NUP160: variants seen among roughly 807,000 people sequenced by gnomAD.
NUP160 encodes the protein nuclear pore complex protein Nup160.
Under a neutral mutation model 196.9 loss-of-function variants are expected in NUP160, and 94 were observed. The observed-to-expected ratio is 0.48, with a 90% CI of 0.40 to 0.57. NUP160 has a LOEUF of 0.57. Ranked by LOEUF, NUP160 falls within the 20% of genes least tolerant of loss-of-function variation. The pLI is 0.00. For missense variants in NUP160, 1,638 were observed against 1,748.3 expected (o/e 0.94, Z 1.13); for synonymous variants, 605 against 619.7 (o/e 0.98, Z 0.35).
At chr11:47,832,335 A>T (rs1461501079) in intron 7 of NUP160, among the ~76,000 whole-genome samples, 1 of 152,192 alleles carries the variant, frequency 6.6e-6, no homozygotes, top group Admixed American at 6.5e-5. Context: ...ACCTTGGTAA[A>T]ACTAATGAAA....
chr11:47,812,238 A>G lies in NUP160; in HGVS notation c.2081-14T>C. 3 of 1,613,836 alleles carry G rather than the reference A, an allele frequency of 1.9e-6. No individual in the cohort carries two copies. Among genetic ancestry groups the G allele is most frequent in the Non-Finnish European group, 2.5e-6 (3 of 1,179,772 alleles). Reference sequence around the variant, plus strand: ...TCAAAGGCTGAGCTGTAAAAAGAAGAAAAATGGAGTTGAATGCATCATTGT... The same window carrying G: ...TCAAAGGCTGAGCTGTAAAAAGAAGGAAAATGGAGTTGAATGCATCATTGT... On this transcript the variant is annotated splice_polypyrimidine_tract_variant and intron_variant, in intron 16 of 35. Coordinates refer to ENST00000378460, the Ensembl canonical transcript of NUP160.
chr11:47,793,384 C>A (rs560632471), intron 27 of NUP160, among the ~76,000 whole-genome samples: 2 of 151,994 alleles, frequency 1.3e-5, no homozygotes, highest in African/African-American at 2.4e-5. Context: ...CCCCTGCCCC[C>A]CCTCCCCAAA....
At chr11:47,831,842 C>CAAAAAAAA (rs372159602) in intron 7 of NUP160, among the ~76,000 whole-genome samples, 109 of 66,678 alleles carry the variant, frequency 1.6e-3, no homozygotes, top group African/African-American at 5.6e-3. Context: ...GACTCTCTCT[C>CAAAAAAAA]AAAAAAAAAA....
At chr11:47,844,798 G>A (rs572402463) in intron 2 of NUP160, among the ~76,000 whole-genome samples, 28 of 152,298 alleles carry the variant, frequency 1.8e-4, no homozygotes, top group African/African-American at 6.0e-4. Flanking sequence ...TGCATTCCCA[G>A]ACAGTTAAGG....
chr11:47,837,297 C>G (rs1318388009), intron 5 of NUP160, among the ~76,000 whole-genome samples: 1 of 152,046 alleles, frequency 6.6e-6, no homozygotes, highest in African/African-American at 2.4e-5. Flanking sequence ...TTGGGTAAGT[C>G]GGGGCAGAGC....
chr11:47,827,295 T>C (rs765689086), intron 7 of NUP160: 3 of 370,492 alleles, frequency 8.1e-6, no homozygotes, highest in Non-Finnish European at 1.1e-5. Flanking sequence ...ACCTGAGAGG[T>C]GGAGGTTGCA....
rs780889779 is a variant in NUP160 at position 47,836,954 on chromosome 11, CA to C, written c.874del (p.Cys292ValfsTer28). ...AAAGATGAAGGCATCATGCTCCACA[CA>C]ATGAACAGCAAGACTGAGGGGACGA... On this transcript the variant is annotated frameshift_variant, in exon 6 of 36. Transcript: ENST00000378460. LOFTEE classifies it high-confidence loss of function. 1 of 1,613,854 alleles carries C rather than the reference CA, an allele frequency of 6.2e-7. No individual in the cohort carries two copies. Among genetic ancestry groups the C allele is most frequent in the South Asian group, 1.1e-5 (1 of 91,066 alleles).
intron 2 of NUP160, among the ~76,000 whole-genome samples, chr11:47,841,979 G>A (rs1013323948): frequency 1.3e-5 from 2 of 152,036 alleles, no homozygotes; most frequent in East Asian, 3.9e-4. Flanking sequence ...TTACAGGTGT[G>A]AGCCACCACA....
At chr11:47,847,954 C>G in exon 2 of NUP160, 1 of 1,613,494 alleles carries the variant, frequency 6.2e-7, no homozygotes, top group Non-Finnish European at 8.5e-7. Context: ...ACGGCATTTG[C>G]AGTCCCTGCA....
chr11:47,818,861 AAG>A (rs1345431010), intron 10 of NUP160, among the ~76,000 whole-genome samples: 4 of 152,222 alleles, frequency 2.6e-5, no homozygotes, highest in Non-Finnish European at 5.9e-5. Flanking sequence ...TCTTGGGATT[AAG>A]AGTGCAGTAA....
chr11:47,848,523 A>G, upstream of NUP160: 1 of 914,516 alleles, frequency 1.1e-6, no homozygotes, highest in Non-Finnish European at 1.6e-6. Context: ...CAGGGGAGGC[A>G]GACTCTATCT....
intron 7 of NUP160, among the ~76,000 whole-genome samples, chr11:47,831,922 A>G (rs1852085603): frequency 3.5e-5 from 2 of 56,930 alleles, no homozygotes; most frequent in African/African-American, 1.6e-4. Flanking sequence ...TTTTTTTTTG[A>G]GACAGAATCT....
chr11:47,833,821 A>G (rs1852120125), intron 7 of NUP160, among the ~76,000 whole-genome samples: 2 of 149,856 alleles, frequency 1.3e-5, no homozygotes, highest in African/African-American at 4.8e-5. Flanking sequence ...GGGAAACAAC[A>G]TTTTACACAC....
Position 47,792,076 on chromosome 11 carries a change from A to G in NUP160, c.3451-86T>C. The stretch of plus-strand genomic sequence containing the variant: ...ACGGTGATTCATAGCTTTTATGCTT[A>G]AATTTTCTCAATGGAAATTATTTTT... On this transcript the variant is annotated intron_variant, in intron 28 of 35. Transcript: ENST00000378460. The G allele has an allele frequency of 3.4e-6, 3 of 889,222 alleles. No homozygotes were observed. In the East Asian group the frequency reaches 7.7e-5, roughly 23 times the overall value. 55.1% of individuals were successfully genotyped at this position (889,222 alleles called of 1,614,324 possible). A position where few individuals can be genotyped will look rare whatever the true frequency, so the allele number is the denominator to read the frequency against.
intron 28 of NUP160, chr11:47,792,556 C>G (rs1288533486): frequency 4.6e-6 from 2 of 438,898 alleles, no homozygotes; most frequent in African/African-American, 4.1e-5. Context: ...AGGTCTAACT[C>G]CAAAACCACT....
At chr11:47,844,854 G>A (rs564506708) in intron 2 of NUP160, among the ~76,000 whole-genome samples, 2 of 152,226 alleles carry the variant, frequency 1.3e-5, no homozygotes, top group Non-Finnish European at 2.9e-5. Context: ...CAAAATACAG[G>A]TCATAAAGAC....
intron 34 of NUP160, among the ~76,000 whole-genome samples, chr11:47,781,118 G>A (rs1353991159): frequency 6.6e-6 from 1 of 151,914 alleles, no homozygotes; most frequent in Non-Finnish European, 1.5e-5. Flanking sequence ...AGCTGCTCGG[G>A]AGGCTGAGGC....
intron 18 of NUP160, among the ~76,000 whole-genome samples, chr11:47,808,003 G>T (rs1330587031): frequency 6.6e-6 from 1 of 152,070 alleles, no homozygotes; most frequent in Non-Finnish European, 1.5e-5. Context: ...CTTTTTCCCG[G>T]CTGGCGTGGT....
chr11:47,837,501 T>C (rs1348445393), intron 5 of NUP160, 44 bp downstream of exon 5: 1 of 1,477,392 alleles, frequency 6.8e-7, no homozygotes, highest in Non-Finnish European at 9.5e-7. Context: ...TGCAAAAAGA[T>C]TAAATTCTTG....
Sources: gnomAD v4.1 joint callset for allele counts (sites outside exome capture counted in the v4.1 genomes callset) on GRCh38, gnomAD v4.1.1 for gene constraint, MANE v1.5 for transcripts, NCBI Gene and HGNC (gene_info 2026-07-23, HGNC 2026-07-21) for gene names.